Variants in CTNNA3 observed in about 807,000 individuals in gnomAD.
CTNNA3 encodes the protein catenin alpha 3.
Under a neutral mutation model 95.7 loss-of-function variants are expected in CTNNA3, and 76 were observed. The ratio of observed to expected loss-of-function variants is 0.79; its 90% confidence interval spans 0.66 to 0.96. The LOEUF is 0.96. CTNNA3 is among the 40% of genes least tolerant of loss of function. The probability of loss-of-function intolerance (pLI) is 0.00; values close to 1 mark genes in which losing one functional copy is unlikely to be tolerated. For synonymous variants in CTNNA3, 431 were observed against 374.4 expected (o/e 1.15, Z -1.74); for missense variants, 1,191 against 1,089.8 (o/e 1.09, Z -1.31).
intron 5 of CTNNA3, among the ~76,000 whole-genome samples, chr10:67,477,225 AACACCTAGGC>A (rs1848049342): frequency 6.6e-6 from 1 of 151,198 alleles, no homozygotes; most frequent in Non-Finnish European, 1.5e-5. Context: ...TTTCCATCTC[AACACCTAGGC>A]ACACCTCTCG....
At chr10:66,920,197 A>C (rs1297070497) in intron 7 of CTNNA3, among the ~76,000 whole-genome samples, 1 of 152,344 alleles carries the variant, frequency 6.6e-6, no homozygotes, top group East Asian at 1.9e-4. Context: ...TATCTGTAAC[A>C]CTTTATAAAT....
intron 11 of CTNNA3, among the ~76,000 whole-genome samples, chr10:66,396,981 G>A (rs2092983159): frequency 6.6e-6 from 1 of 151,296 alleles, no homozygotes; most frequent in African/African-American, 2.4e-5. Context: ...AGATGCTTAT[G>A]ACATAATTTT....
At chr10:67,707,560 CA>C (rs952075893) in intron 1 of CTNNA3, among the ~76,000 whole-genome samples, 4 of 152,080 alleles carry the variant, frequency 2.6e-5, no homozygotes, top group African/African-American at 9.7e-5. Flanking sequence ...TCACTGTTCC[CA>C]GTCACTTATC....
At chr10:67,442,848 G>C (rs1030674392) in intron 5 of CTNNA3, among the ~76,000 whole-genome samples, 3 of 151,278 alleles carry the variant, frequency 2.0e-5, no homozygotes, top group Non-Finnish European at 2.9e-5. Context: ...ACAATGTGCA[G>C]GTTAGTTACA....
At chr10:66,950,553 T>C (rs1269345688) in intron 7 of CTNNA3, among the ~76,000 whole-genome samples, 1 of 152,094 alleles carries the variant, frequency 6.6e-6, no homozygotes, top group Non-Finnish European at 1.5e-5. Context: ...ATTTGAGATT[T>C]AGTTCATATC....
At chr10:66,627,159 G>C (rs7911729) in intron 9 of CTNNA3, among the ~76,000 whole-genome samples, 20 of 152,248 alleles carry the variant, frequency 1.3e-4, no homozygotes, top group African/African-American at 4.6e-4. Context: ...ACTTCTACTT[G>C]AGAAATAGAG....
intron 11 of CTNNA3, among the ~76,000 whole-genome samples, chr10:66,443,074 G>C (rs2093387775): frequency 6.6e-6 from 1 of 152,166 alleles, no homozygotes; most frequent in African/African-American, 2.4e-5. Flanking sequence ...ACGGCAGTCT[G>C]AGATCAAACT....
chr10:66,729,876 G>C (rs530462148), intron 9 of CTNNA3, among the ~76,000 whole-genome samples: 1 of 151,156 alleles, frequency 6.6e-6, no homozygotes, highest in Admixed American at 6.6e-5. Context: ...AGGCTGAGGC[G>C]GGCGGATCAC....
At chr10:66,146,238 A>T (rs10822731) in intron 13 of CTNNA3, among the ~76,000 whole-genome samples, 31,566 of 152,148 alleles carry the variant, frequency 0.21, 3,399 homozygotes, top group South Asian at 0.4. Context: ...CTTCCAGGTC[A>T]TTTTCAGATG....
At chr10:67,397,618 A>T (rs970933851) in intron 5 of CTNNA3, among the ~76,000 whole-genome samples, 3 of 152,238 alleles carry the variant, frequency 2.0e-5, no homozygotes, top group Non-Finnish European at 4.4e-5. Flanking sequence ...ATAAGTAACA[A>T]GGCCAAATGT....
chr10:66,108,074 C>T (rs1301531029), intron 13 of CTNNA3, among the ~76,000 whole-genome samples: 5 of 151,928 alleles, frequency 3.3e-5, no homozygotes, highest in Admixed American at 2.6e-4. Context: ...AGGAGACTAA[C>T]GTCACATGTT....
intron 7 of CTNNA3, among the ~76,000 whole-genome samples, chr10:66,979,278 C>G (rs948227002): frequency 1.3e-5 from 2 of 151,970 alleles, no homozygotes; most frequent in Non-Finnish European, 2.9e-5. Flanking sequence ...ATAACTATTT[C>G]TTAAGTAGGA....
At chr10:67,036,338 C>T (rs779546558) in intron 7 of CTNNA3, among the ~76,000 whole-genome samples, 1 of 151,198 alleles carries the variant, frequency 6.6e-6, no homozygotes, top group Non-Finnish European at 1.5e-5. Flanking sequence ...GGCGCGATCT[C>T]GGCTCACTGC....
intron 11 of CTNNA3, among the ~76,000 whole-genome samples, chr10:66,435,970 T>C (rs1398347787): frequency 1.3e-5 from 2 of 151,986 alleles, no homozygotes; most frequent in African/African-American, 2.4e-5. Context: ...TCAGTTTCCA[T>C]GTAGTTGTGC....
intron 11 of CTNNA3, among the ~76,000 whole-genome samples, chr10:66,427,601 T>A (rs1196662742): frequency 6.6e-6 from 1 of 152,124 alleles, no homozygotes; most frequent in Non-Finnish European, 1.5e-5. Context: ...TCATTTATCA[T>A]ATTTTTGCTC....
intron 7 of CTNNA3, among the ~76,000 whole-genome samples, chr10:66,973,197 C>A (rs1454030357): frequency 3.3e-5 from 5 of 151,992 alleles, no homozygotes; most frequent in African/African-American, 1.2e-4. Flanking sequence ...AATTTTAAAT[C>A]TCTTATAAAT....
intron 5 of CTNNA3, among the ~76,000 whole-genome samples, chr10:67,291,878 G>A (rs993720416): frequency 3.9e-5 from 6 of 152,108 alleles, no homozygotes; most frequent in African/African-American, 1.2e-4. Flanking sequence ...TTACAGAAAC[G>A]GCATACAAAT....
chr10:67,633,904 G>A (rs1589513454), intron 2 of CTNNA3, among the ~76,000 whole-genome samples: 1 of 152,134 alleles, frequency 6.6e-6, no homozygotes, highest in Non-Finnish European at 1.5e-5. Flanking sequence ...GGAAAACACA[G>A]TTCAGGATAT....
intron 15 of CTNNA3, among the ~76,000 whole-genome samples, chr10:66,036,875 T>A (rs12778416): frequency 0.01 from 1,183 of 112,670 alleles, 15 homozygotes; most frequent in African/African-American, 0.031. Flanking sequence ...TTTTTTTTTT[T>A]TTTTTTTTTT....
Sources: gnomAD v4.1 joint callset for allele counts (sites outside exome capture counted in the v4.1 genomes callset) on GRCh38, gnomAD v4.1.1 for gene constraint, MANE v1.5 for transcripts, NCBI Gene and HGNC (gene_info 2026-07-23, HGNC 2026-07-21) for gene names.